The following MMEL1 variants were observed in gnomAD, a reference collection of about 807,000 sequenced individuals.
The protein encoded by MMEL1 is membrane metallo-endopeptidase-like 1.
Under a neutral mutation model 117.1 loss-of-function variants are expected in MMEL1, and 98 were observed. That is an observed-to-expected ratio of 0.84 (90% CI 0.71 to 0.99). The LOEUF is 0.99. MMEL1 is among the 50% of genes least tolerant of loss of function. The pLI is 0.00. For synonymous variants in MMEL1, 390 were observed against 415.1 expected (o/e 0.94, Z 0.74); for missense variants, 1,014 against 1,049.1 (o/e 0.97, Z 0.46).
chr1:2,612,074 G>A lies in MMEL1; in HGVS notation c.232+53C>T, dbSNP rs1645138688. On this transcript the variant is annotated intron_variant, in intron 3 of 23. Coordinates refer to ENST00000378412, the MANE Select transcript of MMEL1 (RefSeq NM_033467.4). The surrounding 1 kb of genome is among the most constrained non-coding windows in gnomAD (Gnocchi z 5.4). ...CCTCCACGGAGTCCCCCCACCTTGG[G>A]AGGCCAGCGCCCACCTGCCTGGGGC... 2 of 1,472,630 alleles carry A rather than the reference G, an allele frequency of 1.4e-6. No homozygotes were observed. The highest frequency in any genetic ancestry group is 1.9e-6 in the Non-Finnish European group (2 of 1,073,936). 91.2% of individuals were successfully genotyped at this position (1,472,630 alleles called of 1,614,324 possible).
chr1:2,604,279 C>T lies in MMEL1; in HGVS notation c.819G>A (p.Val273=), dbSNP rs762152193. The part of the protein sequence containing the change: ...YYFNGGSNRK[V]REAYLQFMVS... ...CCATGAACTGCAGGTAGGCTTCCCG[C>T]ACCTGGGCCAAAGGACGCCGGGCAG... The change falls in exon 10 of 24, where the codon GTG becomes GTA. Residue 273 remains valine, a splice_region_variant and synonymous_variant. Coordinates refer to ENST00000378412, the MANE Select transcript of MMEL1 (RefSeq NM_033467.4). 32 of 1,612,586 alleles carry T rather than the reference C, an allele frequency of 2.0e-5. No homozygotes were observed. The South Asian group carries it at 3.4e-4, about 17-fold the overall frequency.
chr1:2,604,392 GT>G, intron 9 of MMEL1, 111 bp from the exon 10 acceptor site: 2 of 1,436,294 alleles, frequency 1.4e-6, no homozygotes, highest in Non-Finnish European at 1.9e-6. Flanking sequence ...CCTAATGCGT[GT>G]CCACCCACCT....
intron 12 of MMEL1, 85 bp downstream of exon 12, chr1:2,598,569 T>C: frequency 6.3e-7 from 1 of 1,583,686 alleles, no homozygotes; most frequent in Non-Finnish European, 8.6e-7. Context: ...TAGGGTCCCC[T>C]CCTGGGAGCA....
chr1:2,604,001 C>T lies in MMEL1; in HGVS notation c.952-28G>A, dbSNP rs150128199. The T allele has an allele frequency of 7.0e-4, 1,132 of 1,611,298 alleles. 3 individuals are homozygous for T. The African/African-American group carries it at 0.013, about 18-fold the overall frequency. ...GTGCCGGGGATAGCAGTCACACGGG[C>T]GGGTGGCCAGGATGCCCCCTGGGGC... On this transcript the variant is annotated intron_variant, in intron 10 of 23. Coordinates refer to ENST00000378412, the MANE Select transcript of MMEL1 (RefSeq NM_033467.4).
intron 21 of MMEL1, 51 bp from the exon 22 acceptor site, chr1:2,592,078 G>A (rs1480689701): frequency 6.8e-7 from 1 of 1,479,338 alleles, no homozygotes; most frequent in South Asian, 1.1e-5. Flanking sequence ...CTGGACTCCA[G>A]AACCCTCAGA....
Position 2,612,089 on chromosome 1 carries a change from C to A in MMEL1, c.232+38G>T. 6.5e-7 allele frequency: 1 copy of A among 1,538,304 alleles called. No individual in the cohort carries two copies. The highest frequency in any genetic ancestry group is 1.2e-5 in the South Asian group (1 of 84,298). ...CCCACCTTGGGAGGCCAGCGCCCAC[C>A]TGCCTGGGGCTGTTTTGGAAGGGAA... is the stretch of plus-strand genomic sequence containing the variant. On this transcript the variant is annotated intron_variant, in intron 3 of 23. Coordinates refer to ENST00000378412, the MANE Select transcript of MMEL1 (RefSeq NM_033467.4). This position sits in a 1 kb window ranked among gnomAD's most constrained non-coding sequence, Gnocchi z 5.4.
intron 5 of MMEL1, 44 bp downstream of exon 5, chr1:2,609,626 C>T (rs1186609562): frequency 1.3e-6 from 2 of 1,582,086 alleles, no homozygotes; most frequent in Non-Finnish European, 1.7e-6. Context: ...CGGTGCTGTC[C>T]TGTTCGGCGT....
At chr1:2,602,340 G>A (rs1644946471) in intron 11 of MMEL1, among the ~76,000 whole-genome samples, 1 of 152,170 alleles carries the variant, frequency 6.6e-6, no homozygotes, top group Admixed American at 6.5e-5. Context: ...TAAATGCATT[G>A]TAAACCAAAT....
intron 2 of MMEL1, among the ~76,000 whole-genome samples, chr1:2,628,985 G>C (rs1343569587): frequency 6.6e-6 from 1 of 151,444 alleles, no homozygotes; most frequent in Non-Finnish European, 1.5e-5. Context: ...GGGGTGGGCG[G>C]AGGGGCGGGC....
At chr1:2,618,672 T>C (rs947079715) in intron 2 of MMEL1, among the ~76,000 whole-genome samples, 3 of 152,168 alleles carry the variant, frequency 2.0e-5, no homozygotes, top group African/African-American at 7.2e-5. Context: ...TTAAAGAAAC[T>C]CCAGGCTGGT....
chr1:2,606,686 G>A (rs915546899), intron 7 of MMEL1, among the ~76,000 whole-genome samples: 7 of 152,060 alleles, frequency 4.6e-5, no homozygotes, highest in East Asian at 1.9e-4. Flanking sequence ...GGGCCTGGCC[G>A]GAGCCTGGCT....
Position 2,604,135 on chromosome 1 carries a change from C to CCCCCCCCAAAACAT in MMEL1, c.951+11_951+12insATGTTTTGGGGGGG. On this transcript the variant is annotated intron_variant, in intron 10 of 23. Coordinates refer to ENST00000378412, the MANE Select transcript of MMEL1 (RefSeq NM_033467.4). ...CTCGCTGCCCGCTCCCCACCCGCCC[C>CCCCCCCCAAAACAT]GGCCCCCTTACCTTGGCCAGCTGTG... 6 of 1,520,154 alleles carry CCCCCCCCAAAACAT rather than the reference C, an allele frequency of 3.9e-6. No homozygotes were observed. Among genetic ancestry groups the CCCCCCCCAAAACAT allele is most frequent in the Non-Finnish European group, 5.5e-6 (6 of 1,100,346 alleles). The allele number at this position is 1,520,154 out of a possible 1,614,324, so 94.2% of individuals were successfully genotyped here.
intron 6 of MMEL1, among the ~76,000 whole-genome samples, chr1:2,608,258 C>T (rs1324153411): frequency 1.3e-5 from 2 of 152,120 alleles, no homozygotes; most frequent in Admixed American, 1.3e-4. Flanking sequence ...ACAACCAGCC[C>T]TGAACCCTGG....
At chr1:2,621,580 T>A (rs984960368) in intron 2 of MMEL1, among the ~76,000 whole-genome samples, 1 of 151,870 alleles carries the variant, frequency 6.6e-6, no homozygotes, top group Non-Finnish European at 1.5e-5. Context: ...ACATTTTTTT[T>A]TTTTTGTTTT....
At chr1:2,626,824 A>AATG (rs1479951161) in intron 2 of MMEL1, among the ~76,000 whole-genome samples, 1 of 152,272 alleles carries the variant, frequency 6.6e-6, no homozygotes, top group Non-Finnish European at 1.5e-5. Flanking sequence ...TAGAGGAAAT[A>AATG]ATGATAGGTT....
intron 2 of MMEL1, among the ~76,000 whole-genome samples, chr1:2,614,286 T>C (rs1278514574): frequency 2.0e-5 from 3 of 152,246 alleles, no homozygotes; most frequent in African/African-American, 4.8e-5. Flanking sequence ...AGTGTTGACC[T>C]AAGTAACTTT....
intron 2 of MMEL1, among the ~76,000 whole-genome samples, chr1:2,617,300 G>A (rs924465471): frequency 9.9e-5 from 15 of 152,018 alleles, no homozygotes; most frequent in East Asian, 1.9e-4. Context: ...GGTGGCGGGC[G>A]CCTGTAGTCC....
intron 19 of MMEL1, 107 bp from the exon 20 acceptor site, chr1:2,593,073 C>T: frequency 1.4e-6 from 2 of 1,417,374 alleles, no homozygotes; most frequent in African/African-American, 1.4e-5. Context: ...CAGCCAGCCC[C>T]AGTACGGAGA....
At chr1:2,626,904 T>G (rs958779230) in intron 2 of MMEL1, among the ~76,000 whole-genome samples, 1 of 152,162 alleles carries the variant, frequency 6.6e-6, no homozygotes, top group Non-Finnish European at 1.5e-5. Flanking sequence ...AGGAAACACA[T>G]ACATTTTAGT....
Sources: gnomAD v4.1 joint callset for allele counts (sites outside exome capture counted in the v4.1 genomes callset) on GRCh38, gnomAD v4.1.1 for gene constraint, Gnocchi (gnomAD v3.1) non-coding constraint, MANE v1.5 for transcripts, NCBI Gene and HGNC (gene_info 2026-07-23, HGNC 2026-07-21) for gene names.